SGCZ: variants seen among roughly 807,000 people sequenced by gnomAD.
The protein encoded by SGCZ is zeta-sarcoglycan.
In SGCZ, 40 loss-of-function variants were observed where a neutral mutation model predicts 41.3. The observed-to-expected ratio is 0.97, with a 90% confidence interval of 0.75 to 1.26. SGCZ has a LOEUF of 1.26. Ranked by LOEUF, SGCZ falls within the 50% of genes most tolerant of loss-of-function variation. SGCZ has a pLI of 0.00. For missense variants in SGCZ, 552 were observed against 369.8 expected (o/e 1.49, Z -4.04); for synonymous variants, 206 against 137.5 (o/e 1.50, Z -3.49).
intron 2 of SGCZ, among the ~76,000 whole-genome samples, chr8:14,452,167 T>C (rs1800613398): frequency 6.6e-6 from 1 of 152,060 alleles, no homozygotes; most frequent in South Asian, 2.1e-4. Flanking sequence ...AGCCATGAAA[T>C]GAAACGGAGA....
At chr8:14,329,419 A>T (rs1273634045) in intron 2 of SGCZ, among the ~76,000 whole-genome samples, 1 of 152,204 alleles carries the variant, frequency 6.6e-6, no homozygotes, top group Non-Finnish European at 1.5e-5. Context: ...TTAATATTTT[A>T]AAAAGTAGAT....
intron 1 of SGCZ, among the ~76,000 whole-genome samples, chr8:14,593,856 G>T (rs1032842485): frequency 6.6e-6 from 1 of 152,080 alleles, no homozygotes; most frequent in African/African-American, 2.4e-5. Flanking sequence ...GTGTGTATCA[G>T]AATCACCTAG....
intron 3 of SGCZ, among the ~76,000 whole-genome samples, chr8:14,281,314 G>A (rs1384438209): frequency 2.6e-5 from 4 of 151,880 alleles, no homozygotes; most frequent in African/African-American, 9.7e-5. Context: ...TAGGCCTTAG[G>A]TCAAGATGCT....
chr8:14,616,282 C>CA (rs11306350), intron 1 of SGCZ, among the ~76,000 whole-genome samples: 37,644 of 139,882 alleles, frequency 0.27, 4,981 homozygotes, highest in African/African-American at 0.32. Context: ...GACTCTGTCT[C>CA]AAAAAAAAAA....
At position 15,217,627 on chromosome 8, in the gene SGCZ, C is replaced by T. The variant is rs1044028267; in HGVS notation, c.39+19958G>A. On this transcript the variant is annotated intron_variant, in intron 1 of 7. Transcript: ENST00000382080. ...AAAAACGTGGAAGGGACGAGACTGG[C>T]GTGCCTTTTCTTTGTTTTCCTGACT... is the stretch of plus-strand genomic sequence containing the variant. 6.6e-5 allele frequency among the ~76,000 whole-genome samples: 10 copies of T among 152,188 alleles called. 1 individual carries two copies. The highest frequency in any genetic ancestry group is 6.2e-4 in the South Asian group (3 of 4,824).
intron 1 of SGCZ, among the ~76,000 whole-genome samples, chr8:15,177,958 G>A (rs1800050375): frequency 6.6e-6 from 1 of 152,110 alleles, no homozygotes; most frequent in Admixed American, 6.5e-5. Context: ...CCTATAAAGA[G>A]AATACAACAG....
chr8:14,694,768 A>G (rs1024803965), intron 1 of SGCZ, among the ~76,000 whole-genome samples: 2 of 152,148 alleles, frequency 1.3e-5, no homozygotes, highest in African/African-American at 4.8e-5. Context: ...TTTATCAAAA[A>G]TGTTCTTTTC....
At chr8:14,146,890 A>AAAAAAAAAAAAAAAAAAAAAAAATAAT (rs1182329393) in intron 5 of SGCZ, among the ~76,000 whole-genome samples, 1 of 116,186 alleles carries the variant, frequency 8.6e-6, no homozygotes, top group African/African-American at 3.6e-5. Flanking sequence ...AAAATAAAAA[A>AAAAAAAAAAAAAAAAAAAAAAAATAAT]AATAATAATA....
chr8:14,417,799 A>C (rs1563316186), intron 2 of SGCZ, among the ~76,000 whole-genome samples: 1 of 151,144 alleles, frequency 6.6e-6, no homozygotes, highest in Non-Finnish European at 1.5e-5. Context: ...TCATTTCACA[A>C]TGTGTATGTA....
chr8:14,302,220 C>G lies in SGCZ; in HGVS notation c.336+21883G>C, dbSNP rs1008740734. 3.9e-4 allele frequency among the ~76,000 whole-genome samples: 60 copies of G among 152,232 alleles called. 1 individual carries two copies. The highest frequency in any genetic ancestry group is 1.4e-3 in the African/African-American group (58 of 41,548). The stretch of plus-strand genomic sequence containing the variant: ...AATACAATTTTTCCCAAAAGGAAGA[C>G]AGAATAATATACCCTCTAACATGAA... On this transcript the variant is annotated intron_variant, in intron 3 of 7. Coordinates refer to ENST00000382080, the MANE Select transcript of SGCZ (RefSeq NM_139167.4).
intron 2 of SGCZ, among the ~76,000 whole-genome samples, chr8:14,372,959 T>C (rs535618814): frequency 2.0e-5 from 3 of 152,206 alleles, no homozygotes; most frequent in Non-Finnish European, 4.4e-5. Context: ...GATGTGACAT[T>C]ATGATATTAT....
chr8:14,748,403 C>T (rs973981511), intron 1 of SGCZ, among the ~76,000 whole-genome samples: 7 of 152,172 alleles, frequency 4.6e-5, no homozygotes, highest in Admixed American at 3.3e-4. Context: ...TTCATCCTGA[C>T]TTCTATCCTT....
chr8:14,989,422 G>A (rs1470126315), intron 1 of SGCZ, among the ~76,000 whole-genome samples: 1 of 152,034 alleles, frequency 6.6e-6, no homozygotes, highest in Admixed American at 6.6e-5. Context: ...GGAAGTCAAG[G>A]CTGCAGTGAG....
At chr8:14,826,763 C>T (rs537896181) in intron 1 of SGCZ, among the ~76,000 whole-genome samples, 2 of 152,146 alleles carry the variant, frequency 1.3e-5, no homozygotes, top group South Asian at 2.1e-4. Flanking sequence ...TATCCTTTGC[C>T]GACTTTTTGA....
At chr8:15,002,751 T>G (rs1468408678) in intron 1 of SGCZ, among the ~76,000 whole-genome samples, 1 of 152,182 alleles carries the variant, frequency 6.6e-6, no homozygotes, top group African/African-American at 2.4e-5. Context: ...CTGCAAATAT[T>G]CTTTTGTAAC....
rs540808554 is a variant in SGCZ, at chr8:14,727,086, C to A, written c.40-172160G>T. ...TCCGGCAAAAGACATTTAAAAAGAA[C>A]GTATAAAGAGCACATACAAGTAAAT... On this transcript the variant is annotated intron_variant, in intron 1 of 7. Coordinates refer to ENST00000382080, the MANE Select transcript of SGCZ (RefSeq NM_139167.4). Among the ~76,000 whole-genome samples, 4 of 151,682 alleles carry A rather than the reference C, an allele frequency of 2.6e-5. No individual in the cohort carries two copies. The East Asian group carries it at 5.8e-4, about 22-fold the overall frequency.
intron 1 of SGCZ, among the ~76,000 whole-genome samples, chr8:15,042,026 T>A (rs895833554): frequency 6.6e-6 from 1 of 152,196 alleles, no homozygotes; most frequent in Admixed American, 6.5e-5. Context: ...TTCTTTGGGT[T>A]TATTTTTAGC....
chr8:15,001,146 G>C (rs936590443), intron 1 of SGCZ, among the ~76,000 whole-genome samples: 3 of 152,200 alleles, frequency 2.0e-5, no homozygotes. Context: ...GGATGAAATT[G>C]TTCTCTGAGT....
chr8:14,166,276 T>C (rs1255362578), intron 4 of SGCZ, among the ~76,000 whole-genome samples: 2 of 152,198 alleles, frequency 1.3e-5, no homozygotes, highest in African/African-American at 2.4e-5. Context: ...ATGGAAACCA[T>C]TGAAGACCTA....
Sources: gnomAD v4.1 joint callset for allele counts (sites outside exome capture counted in the v4.1 genomes callset) on GRCh38, gnomAD v4.1.1 for gene constraint, MANE v1.5 for transcripts, NCBI Gene and HGNC (gene_info 2026-07-23, HGNC 2026-07-21) for gene names.